The following PARD3B variants were observed in gnomAD, a reference collection of about 807,000 sequenced individuals.
PARD3B encodes partitioning defective 3 homolog B.
PARD3B carries 103 observed loss-of-function variants against 130.2 expected under a neutral mutation model. The observed-to-expected ratio is 0.79, with a 90% CI of 0.67 to 0.93. The LOEUF is 0.93. PARD3B is among the 40% of genes least tolerant of loss of function. The pLI is 0.00. For synonymous variants in PARD3B, 583 were observed against 553.2 expected (o/e 1.05, Z -0.76); for missense variants, 1,609 against 1,499.2 (o/e 1.07, Z -1.21).
intron 3 of PARD3B, among the ~76,000 whole-genome samples, chr2:204,966,200 A>G (rs1691230328): frequency 6.6e-6 from 1 of 152,236 alleles, no homozygotes; most frequent in Non-Finnish European, 1.5e-5. Context: ...TTGAAATAAA[A>G]TATATACTGT....
At chr2:204,694,786 G>T (rs1238855604) in intron 2 of PARD3B, among the ~76,000 whole-genome samples, 1 of 152,032 alleles carries the variant, frequency 6.6e-6, no homozygotes, top group Non-Finnish European at 1.5e-5. Flanking sequence ...ACTATAGTGT[G>T]TATGGGTGTA....
intron 3 of PARD3B, among the ~76,000 whole-genome samples, chr2:205,042,994 C>A (rs886783421): frequency 6.6e-6 from 1 of 151,612 alleles, no homozygotes; most frequent in Non-Finnish European, 1.5e-5. Flanking sequence ...TTCTAAGGAA[C>A]ATTGTTGTTC....
At chr2:205,147,820 A>G (rs905844821) in intron 10 of PARD3B, among the ~76,000 whole-genome samples, 51 of 152,156 alleles carry the variant, frequency 3.4e-4, no homozygotes, top group African/African-American at 1.2e-3. Context: ...AGCTGGTTAC[A>G]CCGAGCTCTG....
intron 2 of PARD3B, among the ~76,000 whole-genome samples, chr2:204,948,657 G>A (rs1050168735): frequency 6.6e-6 from 1 of 152,152 alleles, no homozygotes; most frequent in Non-Finnish European, 1.5e-5. Context: ...TTATCTTACA[G>A]GGTTTTCTAA....
rs1255664514 is a variant in PARD3B, at chr2:205,417,548, A to G, written c.2741+16425A>G. Among the ~76,000 whole-genome samples, 6 of 152,352 alleles carry G rather than the reference A, an allele frequency of 3.9e-5. No homozygotes were observed. The South Asian group carries it at 6.2e-4, about 16-fold the overall frequency. On this transcript the variant is annotated intron_variant, in intron 19 of 22. Coordinates refer to ENST00000406610, the MANE Select transcript of PARD3B (RefSeq NM_001302769.2). The stretch of plus-strand genomic sequence containing the variant: ...TGAACTAGTTTACACTCCCACCAAC[A>G]GTGTAAAAGCTGAACCTTTATTTTC...
intron 4 of PARD3B, among the ~76,000 whole-genome samples, chr2:205,051,307 A>G (rs544304092): frequency 6.6e-6 from 1 of 152,314 alleles, no homozygotes; most frequent in South Asian, 2.1e-4. Flanking sequence ...GTCAACTAAT[A>G]TGAAAAATAA....
chr2:204,755,085 T>C (rs754971051), intron 2 of PARD3B, among the ~76,000 whole-genome samples: 1 of 152,110 alleles, frequency 6.6e-6, no homozygotes, highest in Non-Finnish European at 1.5e-5. Flanking sequence ...GACTGATTTC[T>C]CAAAAATGAT....
intron 2 of PARD3B, among the ~76,000 whole-genome samples, chr2:204,851,986 C>G (rs1281451734): frequency 6.6e-6 from 1 of 152,180 alleles, no homozygotes; most frequent in Non-Finnish European, 1.5e-5. Context: ...AGCCGCCACA[C>G]CCAGCTGACA....
intron 21 of PARD3B, among the ~76,000 whole-genome samples, chr2:205,540,435 C>T (rs1452497285): frequency 6.6e-6 from 1 of 151,950 alleles, no homozygotes; most frequent in East Asian, 1.9e-4. Flanking sequence ...CAAAATTGTC[C>T]AACACATTCA....
At chr2:205,282,876 G>C (rs946833854) in intron 16 of PARD3B, among the ~76,000 whole-genome samples, 1 of 152,172 alleles carries the variant, frequency 6.6e-6, no homozygotes, top group African/African-American at 2.4e-5. Context: ...TTCCCACCCA[G>C]GTTCCCAATC....
At chr2:205,345,040 T>C (rs1033168358) in intron 18 of PARD3B, among the ~76,000 whole-genome samples, 1 of 152,108 alleles carries the variant, frequency 6.6e-6, no homozygotes, top group East Asian at 1.9e-4. Flanking sequence ...TGAAAACAGA[T>C]GGTTTGGTTT....
intron 2 of PARD3B, among the ~76,000 whole-genome samples, chr2:204,766,769 C>G (rs571978610): frequency 4.8e-4 from 72 of 149,086 alleles, no homozygotes; most frequent in African/African-American, 1.8e-3. Flanking sequence ...AGTAATTTTT[C>G]TAAAGCTTAT....
chr2:205,377,308 T>G (rs1049187645), intron 18 of PARD3B, among the ~76,000 whole-genome samples: 1 of 152,184 alleles, frequency 6.6e-6, no homozygotes, highest in Admixed American at 6.5e-5. Context: ...CATGGTAAAA[T>G]ACAGATTCTG....
At chr2:205,045,381 G>T (rs991883173) in intron 3 of PARD3B, among the ~76,000 whole-genome samples, 3 of 151,772 alleles carry the variant, frequency 2.0e-5, no homozygotes, top group African/African-American at 7.3e-5. Flanking sequence ...CCGAGTAGCT[G>T]GGATTACAGT....
intron 3 of PARD3B, among the ~76,000 whole-genome samples, chr2:205,038,675 TA>T (rs1260185826): frequency 2.0e-5 from 3 of 152,216 alleles, no homozygotes; most frequent in Non-Finnish European, 2.9e-5. Context: ...TTCCAAATAC[TA>T]AAAGATGCTT....
chr2:204,807,000 G>C (rs186769111), intron 2 of PARD3B, among the ~76,000 whole-genome samples: 1 of 152,098 alleles, frequency 6.6e-6, no homozygotes, highest in African/African-American at 2.4e-5. Flanking sequence ...TATATGTCTG[G>C]GGAGGCTTCA....
chr2:205,386,250 C>G (rs1361102388), intron 18 of PARD3B, among the ~76,000 whole-genome samples: 1 of 152,082 alleles, frequency 6.6e-6, no homozygotes, highest in Non-Finnish European at 1.5e-5. Context: ...TTGGCAAGTG[C>G]CCTTTTGACC....
chr2:205,118,862 G>T, intron 6 of PARD3B, 59 bp from the exon 7 acceptor site: 2 of 1,198,196 alleles, frequency 1.7e-6, no homozygotes, highest in South Asian at 3.4e-5. Flanking sequence ...GTTGCAAGTG[G>T]AGAAATAATT....
intron 20 of PARD3B, among the ~76,000 whole-genome samples, chr2:205,485,227 C>T (rs954416981): frequency 3.9e-5 from 6 of 152,126 alleles, no homozygotes; most frequent in African/African-American, 1.4e-4. Context: ...GGCAGCCAGA[C>T]CCAGATTCCT....
Sources: gnomAD v4.1 joint callset for allele counts (sites outside exome capture counted in the v4.1 genomes callset) on GRCh38, gnomAD v4.1.1 for gene constraint, MANE v1.5 for transcripts, NCBI Gene and HGNC (gene_info 2026-07-23, HGNC 2026-07-21) for gene names.